SEC14L3: variants seen among roughly 807,000 people sequenced by gnomAD.
SEC14L3 encodes SEC14-like protein 3.
SEC14L3 carries 56 observed loss-of-function variants against 57.4 expected under a neutral mutation model. That is an observed-to-expected ratio of 0.97 (90% CI 0.79 to 1.22). SEC14L3 has a LOEUF of 1.22. Among genes scored for constraint, SEC14L3 ranks in the 50% most tolerant of loss-of-function variants. SEC14L3 has a pLI of 0.00. For synonymous variants in SEC14L3, 173 were observed against 194.4 expected, an observed-to-expected ratio of 0.89 and a Z score of 0.92; for missense variants, 485 against 511.7, an observed-to-expected ratio of 0.95 and a Z score of 0.50.
chr22:30,455,162 AT>A (rs1439062047), downstream of SEC14L3, among the ~76,000 whole-genome samples: 142 of 113,566 alleles, frequency 1.3e-3, 1 homozygote, highest in African/African-American at 4.9e-3. Flanking sequence ...TATATTTAAT[AT>A]TTAATATATT....
intron 11 of SEC14L3, among the ~76,000 whole-genome samples, 173 bp downstream of exon 11, chr22:30,461,137 T>G (rs1241035212): frequency 6.6e-6 from 1 of 152,164 alleles, no homozygotes; most frequent in East Asian, 1.9e-4. Context: ...TGGTGCACAG[T>G]AGGTGCTCAT....
At chr22:30,454,788 A>C (rs1272776788), downstream of SEC14L3, among the ~76,000 whole-genome samples, 1 of 75,984 alleles carries the variant, frequency 1.3e-5, no homozygotes, top group African/African-American at 5.7e-5. Context: ...ATTATATATT[A>C]TATATTATTG....
intron 8 of SEC14L3, among the ~76,000 whole-genome samples, chr22:30,463,519 G>A (rs1031337713): frequency 3.3e-5 from 5 of 152,318 alleles, no homozygotes; most frequent in East Asian, 1.9e-4. Flanking sequence ...TTTGGAAGGC[G>A]TAGAAGGCAT....
At chr22:30,468,920 A>T in intron 4 of SEC14L3, 1 of 1,492,796 alleles carries the variant, frequency 6.7e-7, no homozygotes. Flanking sequence ...AGGCCCTTGG[A>T]CTTCTTAGGT....
At chr22:30,464,157 C>T (rs1557927) in intron 8 of SEC14L3, among the ~76,000 whole-genome samples, 1 of 152,244 alleles carries the variant, frequency 6.6e-6, no homozygotes, top group South Asian at 2.1e-4. Context: ...CTTGTTGGGT[C>T]TCCTTTCTCT....
intron 2 of SEC14L3, 114 bp downstream of exon 2, chr22:30,470,393 T>G: frequency 1.9e-6 from 3 of 1,597,092 alleles, no homozygotes; most frequent in Non-Finnish European, 8.5e-7. Context: ...GACCTGAACA[T>G]GTGAAGCAAG....
intron 12 of SEC14L3, among the ~76,000 whole-genome samples, chr22:30,452,253 T>C (rs985268645): frequency 2.8e-5 from 4 of 144,184 alleles, no homozygotes; most frequent in South Asian, 2.2e-4. Context: ...TTTCTTTTTT[T>C]TTTTTTTTTT....
In SEC14L3 at chr22:30,461,398, C is replaced by T. The variant is rs1935254145; in HGVS notation, c.993G>A (p.Gly331=). The T allele has an allele frequency of 6.2e-7, 1 of 1,613,984 alleles. No individual in the cohort carries two copies. Among genetic ancestry groups the T allele is most frequent in the African/African-American group, 1.3e-5 (1 of 74,916 alleles). ...KTKMGERQRA[G]EMTDVLPSQR... ...GGCTGGGTAGAACATCTGTCATCTCCCCTGCCCGCTGTCGCTCCCCCATCT... is the reference window on the plus strand; with the variant it reads ...GGCTGGGTAGAACATCTGTCATCTCTCCTGCCCGCTGTCGCTCCCCCATCT... Residue 331 remains glycine, a synonymous_variant, in exon 11 of 12, where the codon GGG becomes GGA. Coordinates refer to ENST00000215812, the MANE Select transcript of SEC14L3 (RefSeq NM_174975.5).
At chr22:30,454,727 C>CTATAATA (rs1569225156), downstream of SEC14L3, among the ~76,000 whole-genome samples, 6 of 75,384 alleles carry the variant, frequency 8.0e-5, no homozygotes, top group African/African-American at 1.1e-4. Flanking sequence ...AATCTATAAT[C>CTATAATA]TATAATATAT....
exon 13 of SEC14L3, chr22:30,448,708 C>CAAA (rs11374775): frequency 2.6e-5 from 4 of 151,202 alleles, no homozygotes; most frequent in South Asian, 1.8e-4. Context: ...TCATCTCTAC[C>CAAA]AAAAAAAAAA....
At chr22:30,453,377 C>G (rs190665192) in intron 12 of SEC14L3, among the ~76,000 whole-genome samples, 26 of 152,300 alleles carry the variant, frequency 1.7e-4, no homozygotes, top group African/African-American at 6.3e-4. Context: ...TCTTCAGTTT[C>G]TCTGCTAGGT....
chr22:30,469,425 C>A (rs994263471), intron 4 of SEC14L3, among the ~76,000 whole-genome samples: 1 of 152,162 alleles, frequency 6.6e-6, no homozygotes, highest in Non-Finnish European at 1.5e-5. Flanking sequence ...GTTTGGATAA[C>A]CCCTCACTCT....
At chr22:30,464,949 G>A in intron 7 of SEC14L3, 46 bp from the exon 8 acceptor site, 1 of 1,612,774 alleles carries the variant, frequency 6.2e-7, no homozygotes, top group Non-Finnish European at 8.5e-7. Flanking sequence ...GAATTACATT[G>A]GGCAACCCCC....
chr22:30,455,220 A>AAT (rs1935099454), downstream of SEC14L3, among the ~76,000 whole-genome samples: 3 of 123,830 alleles, frequency 2.4e-5, no homozygotes, highest in African/African-American at 9.1e-5. Flanking sequence ...AATATTAAAT[A>AAT]ATATAATATA....
intron 2 of SEC14L3, 25 bp from the exon 3 acceptor site, chr22:30,470,280 TGA>T (rs1171359444): frequency 4.3e-6 from 7 of 1,610,654 alleles, no homozygotes; most frequent in Non-Finnish European, 5.9e-6. Flanking sequence ...AAGGAAGGTG[TGA>T]GACAGGAAAG....
chr22:30,448,944 C>A, exon 13 of SEC14L3: 1 of 729,466 alleles, frequency 1.4e-6, no homozygotes, highest in Admixed American at 2.6e-5. Flanking sequence ...TTGGTCTGCC[C>A]TAGGCCCTCT....
At chr22:30,447,987 C>T (rs562687448) in exon 13 of SEC14L3, 1 of 149,870 alleles carries the variant, frequency 6.7e-6, no homozygotes, top group Admixed American at 6.7e-5. Context: ...GGGTCTTCTG[C>T]TGGTTGCTCT....
chr22:30,470,708 G>A, intron 1 of SEC14L3, 126 bp from the exon 2 acceptor site: 1 of 1,520,524 alleles, frequency 6.6e-7, no homozygotes, highest in Non-Finnish European at 8.8e-7. Context: ...ATGAAAGGAT[G>A]GGTTAATGGT....
At chr22:30,468,758 G>A (rs528657260) in intron 4 of SEC14L3, 62 bp from the exon 5 acceptor site, 3 of 1,613,204 alleles carry the variant, frequency 1.9e-6, no homozygotes, top group African/African-American at 1.3e-5. Flanking sequence ...CCCAGACCAG[G>A]CTGACCTGGG....
Sources: gnomAD v4.1 joint callset for allele counts (sites outside exome capture counted in the v4.1 genomes callset) on GRCh38, gnomAD v4.1.1 for gene constraint, MANE v1.5 for transcripts, NCBI Gene and HGNC (gene_info 2026-07-23, HGNC 2026-07-21) for gene names.